The following GNAL variants were observed in gnomAD, a reference collection of about 807,000 sequenced individuals.
GNAL encodes guanine nucleotide-binding protein G(olf) subunit alpha.
Under a neutral mutation model 55.1 loss-of-function variants are expected in GNAL, and 18 were observed. The observed-to-expected ratio is 0.33, with a 90% confidence interval of 0.23 to 0.48. The LOEUF (loss-of-function observed/expected upper bound fraction) is 0.48, where lower values mean the gene tolerates loss of function less well. Ranked by LOEUF, GNAL falls within the 20% of genes least tolerant of loss-of-function variation. GNAL has a pLI of 0.99. For missense variants in GNAL, 412 were observed against 614.1 expected, an observed-to-expected ratio of 0.67 and a Z score of 3.48; for synonymous variants, 253 against 237.0, an observed-to-expected ratio of 1.07 and a Z score of -0.62.
chr18:11,740,836 C>T (rs1194875362), intron 1 of GNAL, among the ~76,000 whole-genome samples: 1 of 152,188 alleles, frequency 6.6e-6, no homozygotes, highest in Non-Finnish European at 1.5e-5. Context: ...AAAAGCAAAC[C>T]ATGCAATGCA....
At chr18:11,872,704 G>A (rs923584365) in intron 10 of GNAL, among the ~76,000 whole-genome samples, 3 of 152,184 alleles carry the variant, frequency 2.0e-5, no homozygotes, top group Admixed American at 1.3e-4. Context: ...GGCTGGGTGT[G>A]ACATGACAGG....
intron 5 of GNAL, among the ~76,000 whole-genome samples, chr18:11,843,545 GAAGAAAAGAAAAA>G (rs2035664638): frequency 6.6e-6 from 1 of 150,776 alleles, no homozygotes; most frequent in African/African-American, 2.4e-5. Flanking sequence ...AAATAGATAA[GAAGAAAAGAAAAA>G]AAGGAAAGAA....
At chr18:11,854,152 A>C (rs1464663338) in intron 5 of GNAL, 1 of 167,032 alleles carries the variant, frequency 6.0e-6, no homozygotes, top group Non-Finnish European at 1.5e-5. Flanking sequence ...TGGAAAAAAT[A>C]ATTACAACTT....
At chr18:11,735,211 C>T (rs1451988277) in intron 1 of GNAL, among the ~76,000 whole-genome samples, 6 of 151,628 alleles carry the variant, frequency 4.0e-5, no homozygotes, top group Non-Finnish European at 7.4e-5. Context: ...CCACCACACC[C>T]GTCTAATTTT....
At chr18:11,859,749 C>CT (rs560753290) in intron 5 of GNAL, among the ~76,000 whole-genome samples, 263 of 144,938 alleles carry the variant, frequency 1.8e-3, no homozygotes, top group Middle Eastern at 7.1e-3. Flanking sequence ...AGTTGACATT[C>CT]TTTTTTTTTT....
At chr18:11,857,095 C>G (rs1025133043) in intron 5 of GNAL, 1 of 149,358 alleles carries the variant, frequency 6.7e-6, no homozygotes, top group Non-Finnish European at 1.5e-5. Flanking sequence ...ATAAAACATA[C>G]AAAGAAAAAG....
chr18:11,752,975 C>A lies in GNAL; in HGVS notation c.449+50C>A. 9.4e-7 allele frequency: 1 copy of A among 1,058,284 alleles called. No homozygotes were observed. The highest frequency in any genetic ancestry group is 1.5e-6 in the Non-Finnish European group (1 of 683,668). 65.6% of individuals were successfully genotyped at this position (1,058,284 alleles called of 1,614,324 possible). On this transcript the variant is annotated intron_variant, in intron 2 of 11. Coordinates refer to ENST00000334049, the MANE Select transcript of GNAL (RefSeq NM_182978.4). This position sits in a 1 kb window ranked among gnomAD's most constrained non-coding sequence, Gnocchi z 4.5. ...AACTGCATGCAAACTTCGTCTCTCTCCCAGACGTCCCAAAAGTGCTTTCTC... is the reference window on the plus strand; with the variant it reads ...AACTGCATGCAAACTTCGTCTCTCTACCAGACGTCCCAAAAGTGCTTTCTC...
At position 11,689,288 on chromosome 18, in the gene GNAL, T is replaced by C; in HGVS notation, c.-276T>C. On this transcript the variant is annotated 5_prime_UTR_variant, in exon 1 of 12. Transcript: ENST00000334049. ...CGTCGGTTCGGTCCGCTCTGGGCGTTAGCAAGTGATCTCCAGCCAAGGCGG... is the reference window on the plus strand; with the variant it reads ...CGTCGGTTCGGTCCGCTCTGGGCGTCAGCAAGTGATCTCCAGCCAAGGCGG... 1 of 287,966 alleles carries C rather than the reference T, an allele frequency of 3.5e-6. No individual in the cohort carries two copies. Among genetic ancestry groups the C allele is most frequent in the East Asian group, 5.8e-5 (1 of 17,186 alleles). The allele number at this position is 287,966 out of a possible 1,614,324, so 17.8% of individuals were successfully genotyped here. A position where few individuals can be genotyped will look rare whatever the true frequency, so the allele number is the denominator to read the frequency against.
chr18:11,796,590 AAAAAAC>A (rs1233614898), intron 4 of GNAL, among the ~76,000 whole-genome samples: 4 of 132,638 alleles, frequency 3.0e-5, no homozygotes, highest in South Asian at 2.2e-4. Context: ...AAAAAAAAAA[AAAAAAC>A]AAAACACGCA....
chr18:11,837,524 A>T (rs926629915), intron 5 of GNAL, among the ~76,000 whole-genome samples: 1 of 152,234 alleles, frequency 6.6e-6, no homozygotes, highest in Non-Finnish European at 1.5e-5. Context: ...GATGCTAAAC[A>T]TCTTTAGCTG....
intron 4 of GNAL, among the ~76,000 whole-genome samples, chr18:11,778,151 T>G (rs546927358): frequency 3.7e-4 from 57 of 152,288 alleles, no homozygotes; most frequent in Admixed American, 1.9e-3. Context: ...TAGTGACTGT[T>G]GAGGAAGGGA....
chr18:11,760,224 G>A (rs2033197363), intron 4 of GNAL, among the ~76,000 whole-genome samples: 1 of 152,136 alleles, frequency 6.6e-6, no homozygotes, highest in South Asian at 2.1e-4. Context: ...AAGGACCTGT[G>A]GGCACAAGAA....
chr18:11,824,581 G>A (rs534353798), intron 4 of GNAL, among the ~76,000 whole-genome samples: 1 of 152,106 alleles, frequency 6.6e-6, no homozygotes, highest in Non-Finnish European at 1.5e-5. Flanking sequence ...CCAGTTTCTC[G>A]GGAGGCTGAG....
chr18:11,752,966 C>A lies in GNAL; in HGVS notation c.449+41C>A. ...TTGCTTCCAAACTGCATGCAAACTT[C>A]GTCTCTCTCCCAGACGTCCCAAAAG... On this transcript the variant is annotated intron_variant, in intron 2 of 11. Coordinates refer to ENST00000334049, the MANE Select transcript of GNAL (RefSeq NM_182978.4). The surrounding 1 kb of genome is among the most constrained non-coding windows in gnomAD (Gnocchi z 4.5). 8.3e-7 allele frequency: 1 copy of A among 1,201,646 alleles called. No individual in the cohort carries two copies. The highest frequency in any genetic ancestry group is 1.2e-6 in the Non-Finnish European group (1 of 809,308). The allele number at this position is 1,201,646 out of a possible 1,614,324, so 74.4% of individuals were successfully genotyped here.
At chr18:11,760,788 T>A (rs2033214707) in intron 4 of GNAL, among the ~76,000 whole-genome samples, 2 of 151,708 alleles carry the variant, frequency 1.3e-5, no homozygotes, top group South Asian at 4.2e-4. Flanking sequence ...TGAAAGGGGG[T>A]CTTAAGGGGA....
rs529998794 is a variant in GNAL, at chr18:11,764,775, AAAAC to A, written c.624+10845_624+10848del. Among the ~76,000 whole-genome samples the A allele has an allele frequency of 3.6e-3, 535 of 147,034 alleles. 7 individuals carry two copies. Among genetic ancestry groups the A allele is most frequent in the African/African-American group, 0.013 (508 of 38,276 alleles). On this transcript the variant is annotated intron_variant, in intron 4 of 11. Coordinates refer to ENST00000334049, the MANE Select transcript of GNAL (RefSeq NM_182978.4). ...GGGCGGCAGAGTGAGACCCTGTCTC[AAAAC>A]AAACAAACAAACAACAAAAAAAAGA...
intron 1 of GNAL, 33 bp downstream of exon 1, chr18:11,689,972 C>A: frequency 8.4e-7 from 1 of 1,190,342 alleles, no homozygotes; most frequent in Non-Finnish European, 1.1e-6. Context: ...GCTGACGCCC[C>A]GGGGACAGCG....
At chr18:11,847,016 A>C (rs117877625) in intron 5 of GNAL, among the ~76,000 whole-genome samples, 2,916 of 151,440 alleles carry the variant, frequency 0.019, 49 homozygotes, top group Middle Eastern at 0.039. Context: ...AATTAATATT[A>C]TATATGTATG....
intron 4 of GNAL, among the ~76,000 whole-genome samples, chr18:11,805,740 A>G (rs572880805): frequency 2.6e-5 from 4 of 152,324 alleles, no homozygotes; most frequent in Admixed American, 1.3e-4. Flanking sequence ...TACCACATCC[A>G]GTCATCCATG....
Sources: gnomAD v4.1 joint callset for allele counts (sites outside exome capture counted in the v4.1 genomes callset) on GRCh38, gnomAD v4.1.1 for gene constraint, Gnocchi (gnomAD v3.1) non-coding constraint, MANE v1.5 for transcripts, NCBI Gene and HGNC (gene_info 2026-07-23, HGNC 2026-07-21) for gene names.